The following GPC6 variants were observed in gnomAD, a reference collection of about 807,000 sequenced individuals.
GPC6 encodes the protein glypican-6.
Under a neutral mutation model 55.2 loss-of-function variants are expected in GPC6, and 14 were observed. That is an observed-to-expected ratio of 0.25 (90% CI 0.17 to 0.40). GPC6 has a LOEUF of 0.40. GPC6 is among the 10% of genes least tolerant of loss of function. GPC6 has a pLI of 1.00. For synonymous variants in GPC6, 278 were observed against 259.6 expected (o/e 1.07, Z -0.68); for missense variants, 641 against 708.5 (o/e 0.90, Z 1.08).
At chr13:93,664,640 CAG>C (rs1256559649) in intron 2 of GPC6, among the ~76,000 whole-genome samples, 2 of 145,970 alleles carry the variant, frequency 1.4e-5, no homozygotes, top group African/African-American at 2.5e-5. Flanking sequence ...TGTTTTGAGA[CAG>C]AGTCTCACTC....
intron 4 of GPC6, among the ~76,000 whole-genome samples, chr13:94,193,650 G>A (rs570923588): frequency 1.4e-4 from 21 of 152,256 alleles, no homozygotes; most frequent in African/African-American, 5.1e-4. Context: ...TAGGAGAAAT[G>A]CCCGTGTGCA....
At chr13:94,044,193 T>A (rs1256425732) in intron 4 of GPC6, among the ~76,000 whole-genome samples, 1 of 151,910 alleles carries the variant, frequency 6.6e-6, no homozygotes, top group African/African-American at 2.4e-5. Context: ...TTGTGGTTTA[T>A]CTTTCCTGTA....
At chr13:94,050,601 A>G (rs971478282) in intron 4 of GPC6, among the ~76,000 whole-genome samples, 3 of 152,270 alleles carry the variant, frequency 2.0e-5, no homozygotes, top group South Asian at 2.1e-4. Flanking sequence ...ATGTGCACCA[A>G]TAGACGTTAT....
chr13:93,822,860 T>C (rs2138968602), intron 2 of GPC6, among the ~76,000 whole-genome samples: 1 of 148,724 alleles, frequency 6.7e-6, no homozygotes, highest in East Asian at 2.0e-4. Flanking sequence ...ATTATTTTAT[T>C]ATTATTATTA....
chr13:94,029,186 G>A (rs1415423100), intron 4 of GPC6, among the ~76,000 whole-genome samples: 3 of 152,196 alleles, frequency 2.0e-5, no homozygotes, highest in African/African-American at 4.8e-5. Flanking sequence ...CTCTGATAAT[G>A]AAACCCATTG....
chr13:93,774,182 T>A (rs9589824), intron 2 of GPC6, among the ~76,000 whole-genome samples: 38 of 152,304 alleles, frequency 2.5e-4, no homozygotes, highest in African/African-American at 9.1e-4. Context: ...GGTGTCGTTT[T>A]TCCTGTAGGC....
chr13:94,090,158 C>T (rs903181556), intron 4 of GPC6, among the ~76,000 whole-genome samples: 5 of 152,056 alleles, frequency 3.3e-5, no homozygotes, highest in African/African-American at 1.2e-4. Context: ...AAAGGAGGAG[C>T]AAAGGCATGT....
intron 2 of GPC6, among the ~76,000 whole-genome samples, chr13:93,584,010 A>G (rs1877071393): frequency 6.6e-6 from 1 of 152,180 alleles, no homozygotes. Context: ...ATGGCCGCAT[A>G]AAGTTGGAAA....
At chr13:93,430,815 A>G (rs1173629659) in intron 1 of GPC6, among the ~76,000 whole-genome samples, 3 of 152,174 alleles carry the variant, frequency 2.0e-5, no homozygotes, top group African/African-American at 7.2e-5. Context: ...AAGCTATTCT[A>G]CATTTGAAAT....
intron 1 of GPC6, among the ~76,000 whole-genome samples, chr13:93,288,765 C>T (rs117385365): frequency 0.013 from 1,936 of 152,232 alleles, 35 homozygotes; most frequent in South Asian, 0.019. Flanking sequence ...CAATGAGTGA[C>T]CTTCAGTGCT....
intron 3 of GPC6, among the ~76,000 whole-genome samples, chr13:93,880,881 C>T (rs1238928847): frequency 1.1e-5 from 1 of 90,786 alleles, no homozygotes; most frequent in Admixed American, 1.1e-4. Context: ...ATAGCCTTTG[C>T]AACTAAAAAA....
intron 3 of GPC6, among the ~76,000 whole-genome samples, chr13:93,866,710 G>T (rs1009830528): frequency 6.6e-6 from 1 of 151,670 alleles, no homozygotes. Flanking sequence ...ACACAATGGG[G>T]ACTTTTGGAG....
At chr13:93,789,481 A>ATCTCTC (rs1885922797) in intron 2 of GPC6, among the ~76,000 whole-genome samples, 1 of 84,448 alleles carries the variant, frequency 1.2e-5, no homozygotes, top group African/African-American at 5.3e-5. Flanking sequence ...TATGTGAGTG[A>ATCTCTC]ACTCTCTCTC....
At chr13:93,594,027 A>G (rs182757882) in intron 2 of GPC6, among the ~76,000 whole-genome samples, 3 of 152,284 alleles carry the variant, frequency 2.0e-5, no homozygotes, top group Admixed American at 6.5e-5. Context: ...TCACATCTGT[A>G]TTGGCTTTTA....
In GPC6 at chr13:93,330,479, A is replaced by T. The variant is rs186973168; in HGVS notation, c.160+102863A>T. Among the ~76,000 whole-genome samples, 497 of 152,070 alleles carry T rather than the reference A, an allele frequency of 3.3e-3. 2 individuals carry two copies. The highest frequency in any genetic ancestry group is 9.2e-3 in the Admixed American group (141 of 15,252). ...GAGGTTGAGGCTGCAGTGAGTCATGATGGCGCCACTGTACTCCAGCCTGGG... is the reference window on the plus strand; with the variant it reads ...GAGGTTGAGGCTGCAGTGAGTCATGTTGGCGCCACTGTACTCCAGCCTGGG... On this transcript the variant is annotated intron_variant, in intron 1 of 8. Coordinates refer to ENST00000377047, the MANE Select transcript of GPC6 (RefSeq NM_005708.5).
intron 2 of GPC6, among the ~76,000 whole-genome samples, chr13:93,584,812 C>G (rs1012771563): frequency 1.3e-5 from 2 of 150,944 alleles, no homozygotes; most frequent in Non-Finnish European, 2.9e-5. Context: ...CCTTAGTCTC[C>G]AAAGTAGCTG....
At chr13:93,411,480 A>G (rs964685678) in intron 1 of GPC6, among the ~76,000 whole-genome samples, 17 of 152,208 alleles carry the variant, frequency 1.1e-4, no homozygotes, top group African/African-American at 3.1e-4. Flanking sequence ...CACTTAGTGC[A>G]GTCAGACATA....
intron 1 of GPC6, among the ~76,000 whole-genome samples, chr13:93,358,653 T>C (rs556987850): frequency 6.6e-6 from 1 of 152,366 alleles, no homozygotes; most frequent in African/African-American, 2.4e-5. Context: ...AATTTGCATC[T>C]TTTGAGCCTT....
chr13:93,547,751 A>G (rs1018493221), intron 2 of GPC6, among the ~76,000 whole-genome samples: 3 of 151,978 alleles, frequency 2.0e-5, no homozygotes, highest in Non-Finnish European at 1.5e-5. Flanking sequence ...TCTAAATGTG[A>G]TTCTAATAAT....
Sources: gnomAD v4.1 joint callset for allele counts (sites outside exome capture counted in the v4.1 genomes callset) on GRCh38, gnomAD v4.1.1 for gene constraint, MANE v1.5 for transcripts, NCBI Gene and HGNC (gene_info 2026-07-23, HGNC 2026-07-21) for gene names.